Variants in CACNA1E observed in about 807,000 individuals in gnomAD.
CACNA1E encodes voltage-dependent R-type calcium channel subunit alpha-1E.
Under a neutral mutation model 259.2 loss-of-function variants are expected in CACNA1E, and 40 were observed. The observed-to-expected ratio is 0.15, with a 90% CI of 0.12 to 0.20. The LOEUF (loss-of-function observed/expected upper bound fraction) is 0.20. Among genes scored for constraint, CACNA1E ranks in the 10% least tolerant of loss-of-function variants. The pLI, the probability that CACNA1E is intolerant of heterozygous loss-of-function variation, is 1.00. For missense variants in CACNA1E, 1,874 were observed against 3,040.1 expected (o/e 0.62, Z 9.02); for synonymous variants, 1,104 against 1,138.5 (o/e 0.97, Z 0.61).
intron 6 of CACNA1E, among the ~76,000 whole-genome samples, chr1:181,638,002 G>C (rs199968): frequency 0.93 from 142,079 of 152,238 alleles, 66,494 homozygotes; most frequent in East Asian, 1. Flanking sequence ...GCTAGAGAGG[G>C]TAGGTTGGGT....
chr1:181,755,704 A>G (rs1022677377), intron 28 of CACNA1E, among the ~76,000 whole-genome samples: 1 of 152,208 alleles, frequency 6.6e-6, no homozygotes, highest in Non-Finnish European at 1.5e-5. Flanking sequence ...AGACTCAGAA[A>G]GTTTAAGCAA....
chr1:181,564,121 A>C (rs554236852), intron 3 of CACNA1E, among the ~76,000 whole-genome samples: 7 of 152,302 alleles, frequency 4.6e-5, no homozygotes, highest in Non-Finnish European at 5.9e-5. Context: ...GTGGCTGTGG[A>C]AATTTCTTAA....
rs188775876 is a variant in CACNA1E, at chr1:181,777,773, G to A, written c.5267+1545G>A. Among the ~76,000 whole-genome samples, 10 of 152,334 alleles carry A rather than the reference G, an allele frequency of 6.6e-5. No homozygotes were observed. In the East Asian group the frequency reaches 9.6e-4, roughly 15 times the overall value. On this transcript the variant is annotated intron_variant, in intron 38 of 47. Coordinates refer to ENST00000367573, the MANE Select transcript of CACNA1E (RefSeq NM_001205293.3). ...ATTATAATCAACAATAACCACACGG[G>A]AATGCTAATTGGAATGTCTAGAAAA...
intron 6 of CACNA1E, among the ~76,000 whole-genome samples, chr1:181,647,209 G>A (rs1375464336): frequency 6.6e-6 from 1 of 152,202 alleles, no homozygotes; most frequent in Non-Finnish European, 1.5e-5. Flanking sequence ...CTTCTGGGCA[G>A]CATTCTTTGC....
chr1:181,331,804 G>C (rs1260154321), intron 1 of CACNA1E, among the ~76,000 whole-genome samples: 1 of 152,132 alleles, frequency 6.6e-6, no homozygotes, highest in Non-Finnish European at 1.5e-5. Flanking sequence ...CATGTGGCTA[G>C]CCAGTTCTCC....
At chr1:181,762,333 A>T (rs746536471) in intron 32 of CACNA1E, among the ~76,000 whole-genome samples, 2 of 152,260 alleles carry the variant, frequency 1.3e-5, no homozygotes, top group Non-Finnish European at 2.9e-5. Flanking sequence ...CAGTTTTCAA[A>T]GATAAAGTCT....
intron 1 of CACNA1E, among the ~76,000 whole-genome samples, chr1:181,508,573 T>A (rs1438041350): frequency 6.6e-6 from 1 of 152,150 alleles, no homozygotes; most frequent in African/African-American, 2.4e-5. Context: ...GGTCCTTGTG[T>A]GGTTCCTGGT....
At chr1:181,778,040 A>G (rs1406125023) in intron 38 of CACNA1E, among the ~76,000 whole-genome samples, 2 of 152,234 alleles carry the variant, frequency 1.3e-5, no homozygotes, top group African/African-American at 2.4e-5. Context: ...AAATGATTCC[A>G]TGAGGATGAA....
intron 6 of CACNA1E, among the ~76,000 whole-genome samples, chr1:181,631,269 T>C (rs1309764414): frequency 1.3e-5 from 2 of 152,292 alleles, no homozygotes; most frequent in East Asian, 3.9e-4. Context: ...GAGAATAGAC[T>C]TACTCTGGAA....
At chr1:181,354,199 G>T (rs572133419) in intron 1 of CACNA1E, among the ~76,000 whole-genome samples, 1 of 150,868 alleles carries the variant, frequency 6.6e-6, no homozygotes, top group East Asian at 1.9e-4. Context: ...CACATCGTAG[G>T]CACTCAATCA....
chr1:181,593,286 G>A (rs1016546466), intron 6 of CACNA1E, among the ~76,000 whole-genome samples: 2 of 152,134 alleles, frequency 1.3e-5, no homozygotes, highest in Non-Finnish European at 2.9e-5. Flanking sequence ...GTTGCTTCGG[G>A]AGCATGTAAG....
intron 3 of CACNA1E, among the ~76,000 whole-genome samples, chr1:181,565,345 G>C (rs972339243): frequency 3.3e-5 from 5 of 152,124 alleles, no homozygotes; most frequent in Non-Finnish European, 7.4e-5. Flanking sequence ...GCAGAAATAG[G>C]GCTCCAGGTC....
intron 3 of CACNA1E, 144 bp from the exon 4 acceptor site, chr1:181,577,622 A>G (rs1651102098): frequency 1.9e-6 from 1 of 515,336 alleles, no homozygotes; most frequent in Non-Finnish European, 3.5e-6. Context: ...CTGGTGATTC[A>G]CCCAAGCTCA....
At chr1:181,552,235 C>G (rs1390982591) in intron 3 of CACNA1E, among the ~76,000 whole-genome samples, 1 of 152,184 alleles carries the variant, frequency 6.6e-6, no homozygotes, top group Non-Finnish European at 1.5e-5. Context: ...TCCTCACACC[C>G]TTGGCTGATA....
At chr1:181,730,281 G>C (rs1208926198) in intron 18 of CACNA1E, among the ~76,000 whole-genome samples, 1 of 152,222 alleles carries the variant, frequency 6.6e-6, no homozygotes, top group African/African-American at 2.4e-5. Context: ...GGGCCCACTG[G>C]GCTGGACTGA....
At chr1:181,792,634 G>A (rs1244007314) in intron 44 of CACNA1E, among the ~76,000 whole-genome samples, 1 of 151,908 alleles carries the variant, frequency 6.6e-6, no homozygotes, top group Middle Eastern at 3.4e-3. Flanking sequence ...TGGTCACATA[G>A]GCTAAGGTGG....
intron 2 of CACNA1E, among the ~76,000 whole-genome samples, chr1:181,431,090 T>A (rs911706376): frequency 1.3e-5 from 2 of 151,702 alleles, no homozygotes; most frequent in Admixed American, 1.3e-4. Flanking sequence ...ACCTCTCAAT[T>A]TTTTTTAGGA....
intron 7 of CACNA1E, among the ~76,000 whole-genome samples, chr1:181,680,417 T>C (rs762949340): frequency 2.0e-5 from 3 of 152,104 alleles, no homozygotes; most frequent in Admixed American, 6.6e-5. Context: ...AAGCCAATGA[T>C]GTGACAACCA....
chr1:181,465,996 A>ATGTAG (rs4048517), intron 2 of CACNA1E, among the ~76,000 whole-genome samples: 83,660 of 151,646 alleles, frequency 0.55, 24,319 homozygotes, highest in African/African-American at 0.74. Flanking sequence ...CCCGCTGAAC[A>ATGTAG]TGTAAATTCA....
Sources: gnomAD v4.1 joint callset for allele counts (sites outside exome capture counted in the v4.1 genomes callset) on GRCh38, gnomAD v4.1.1 for gene constraint, MANE v1.5 for transcripts, NCBI Gene and HGNC (gene_info 2026-07-23, HGNC 2026-07-21) for gene names.